The following KNTC1 variants were observed in gnomAD, a reference collection of about 807,000 sequenced individuals.
The protein encoded by KNTC1 is kinetochore associated 1, also known as kinetochore-associated protein 1.
KNTC1 carries 253 observed loss-of-function variants against 314.4 expected under a neutral mutation model. The ratio of observed to expected loss-of-function variants is 0.80; its 90% CI spans 0.73 to 0.89. KNTC1 has a LOEUF of 0.89. KNTC1 is among the 40% of genes least tolerant of loss of function. The pLI, the probability that KNTC1 is intolerant of heterozygous loss-of-function variation, is 0.00. For missense variants in KNTC1, 2,475 were observed against 2,572.9 expected (o/e 0.96, Z 0.82); for synonymous variants, 901 against 901.4 (o/e 1.00, Z 0.01).
intron 20 of KNTC1, among the ~76,000 whole-genome samples, chr12:122,562,987 C>T (rs1964080913): frequency 6.7e-6 from 1 of 149,436 alleles, no homozygotes; most frequent in South Asian, 2.1e-4. Context: ...CCAGCCTGGG[C>T]GACAGAGCAA....
Position 122,534,839 on chromosome 12 carries a change from T to A in KNTC1, c.250+55T>A, listed in dbSNP as rs1279464048. On this transcript the variant is annotated intron_variant, in intron 3 of 63. Coordinates refer to ENST00000333479, the MANE Select transcript of KNTC1 (RefSeq NM_014708.6). ...TAAATTGGAAGTCAAATACATCTGCTGCCAATTTCTGCTGGATTGCCTCCT... is the reference window on the plus strand; with the variant it reads ...TAAATTGGAAGTCAAATACATCTGCAGCCAATTTCTGCTGGATTGCCTCCT... 2.0e-6 allele frequency: 3 copies of A among 1,529,496 alleles called. No homozygotes were observed. In the African/African-American group the frequency reaches 4.1e-5, roughly 21 times the overall value. 94.7% of individuals were successfully genotyped at this position (1,529,496 alleles called of 1,614,324 possible). A position where few individuals can be genotyped will look rare whatever the true frequency, so the allele number is the denominator to read the frequency against.
intron 20 of KNTC1, among the ~76,000 whole-genome samples, chr12:122,565,629 G>A (rs1328333896): frequency 6.6e-6 from 1 of 151,954 alleles, no homozygotes; most frequent in East Asian, 1.9e-4. Context: ...GTTTATACCT[G>A]TAATCCAAGC....
intron 42 of KNTC1, 55 bp from the exon 43 acceptor site, chr12:122,594,221 G>T: frequency 2.0e-6 from 2 of 979,950 alleles, no homozygotes; most frequent in South Asian, 1.3e-5. Context: ...CCCTTACTCT[G>T]ATACATTTCA....
At position 122,575,908 on chromosome 12, in the gene KNTC1, A is replaced by G. The variant is rs1346363074; in HGVS notation, c.2586+9A>G. ...TAAACAAGGAAATAATGGTAAGTAC[A>G]CTCTTCGAAGAGTCTTTTTTCTCTT... On this transcript the variant is annotated intron_variant, in intron 29 of 63. Coordinates refer to ENST00000333479, the MANE Select transcript of KNTC1 (RefSeq NM_014708.6). The G allele has an allele frequency of 1.3e-6, 2 of 1,596,604 alleles. No individual in the cohort carries two copies. Among genetic ancestry groups the G allele is most frequent in the Non-Finnish European group, 1.7e-6 (2 of 1,175,122 alleles).
At chr12:122,578,070 C>T (rs913788424) in intron 31 of KNTC1, among the ~76,000 whole-genome samples, 3 of 151,982 alleles carry the variant, frequency 2.0e-5, no homozygotes, top group Non-Finnish European at 4.4e-5. Flanking sequence ...TAAAGCGTTG[C>T]AATATAAACA....
At chr12:122,548,296 AC>A (rs1325396926) in intron 12 of KNTC1, among the ~76,000 whole-genome samples, 1 of 150,942 alleles carries the variant, frequency 6.6e-6, no homozygotes, top group African/African-American at 2.4e-5. Context: ...GCAACCCCCC[AC>A]CCCCTGGGTT....
chr12:122,566,841 A>G (rs1027916247), intron 20 of KNTC1, among the ~76,000 whole-genome samples: 4 of 132,684 alleles, frequency 3.0e-5, no homozygotes, highest in Non-Finnish European at 6.1e-5. Context: ...AGCTCACTGC[A>G]GCTTCAGCCT....
chr12:122,550,166 G>GTTACATATTTATGTAACTAAT (rs1397437291), intron 13 of KNTC1, among the ~76,000 whole-genome samples: 1 of 64,714 alleles, frequency 1.5e-5, no homozygotes, highest in Non-Finnish European at 2.8e-5. Context: ...GACTATTGCT[G>GTTACATATTTATGTAACTAAT]TTACATATTT....
Position 122,591,403 on chromosome 12 carries a change from C to T in KNTC1, c.4195C>T (p.Arg1399Cys), listed in dbSNP as rs566613986. Reference sequence around the variant, plus strand: ...GGAAATAGAAATGGGGCTTAAGTTCCGTGAACTCAGTACTGATGCCCAGTG... The same window carrying T: ...GGAAATAGAAATGGGGCTTAAGTTCTGTGAACTCAGTACTGATGCCCAGTG... ...YQEIEMGLKF[R>C]ELSTDAQWGI... The change falls in exon 42 of 64, where the codon CGT (arginine) becomes TGT (cysteine). Residue 1399 changes from arginine to cysteine, a missense_variant. Coordinates refer to ENST00000333479, the MANE Select transcript of KNTC1 (RefSeq NM_014708.6). 87 of 1,611,766 alleles carry T rather than the reference C, an allele frequency of 5.4e-5. No homozygotes were observed. The highest frequency in any genetic ancestry group is 1.2e-4 in the African/African-American group (9 of 74,814).
chr12:122,549,655 C>T (rs1963051937), intron 12 of KNTC1, 111 bp from the exon 13 acceptor site: 2 of 651,628 alleles, frequency 3.1e-6, no homozygotes, highest in African/African-American at 1.8e-5. Context: ...CATGAGCCAC[C>T]ACGCCCAGCC....
At chr12:122,597,588 A>G (rs973846682) in intron 43 of KNTC1, 143 bp from the exon 44 acceptor site, 1 of 689,266 alleles carries the variant, frequency 1.5e-6, no homozygotes, top group Non-Finnish European at 2.5e-6. Context: ...CTTTGATGAC[A>G]GGTAGTTTGT....
At chr12:122,594,879 T>A (rs1365553604) in intron 43 of KNTC1, among the ~76,000 whole-genome samples, 1 of 152,236 alleles carries the variant, frequency 6.6e-6, no homozygotes, top group Non-Finnish European at 1.5e-5. Context: ...TTTTTATTTT[T>A]ATTTAACTTC....
Position 122,530,005 on chromosome 12 carries a change from A to C in KNTC1, c.-59A>C, listed in dbSNP as rs1298626005. The C allele has an allele frequency of 3.2e-6, 5 of 1,573,772 alleles. No homozygotes were observed. The highest frequency in any genetic ancestry group is 4.3e-6 in the Non-Finnish European group (5 of 1,156,680). ...TATGCAACAAGATAATATGGTGTCT[A>C]ATTTTATGTTGTTCAGGAAAGACAG... is the stretch of plus-strand genomic sequence containing the variant. On this transcript the variant is annotated 5_prime_UTR_variant, in exon 2 of 64. Coordinates refer to ENST00000333479, the MANE Select transcript of KNTC1 (RefSeq NM_014708.6).
intron 5 of KNTC1, among the ~76,000 whole-genome samples, chr12:122,541,526 T>G (rs773769550): frequency 1.3e-5 from 2 of 151,548 alleles, no homozygotes; most frequent in African/African-American, 2.4e-5. Flanking sequence ...TTTATATTTT[T>G]AGTAGAGACG....
At chr12:122,528,159 T>C (rs1443003508) in intron 1 of KNTC1, among the ~76,000 whole-genome samples, 1 of 152,284 alleles carries the variant, frequency 6.6e-6, no homozygotes, top group Non-Finnish European at 1.5e-5. Flanking sequence ...AATAAGTAAA[T>C]ATGGCAGTTA....
chr12:122,570,885 G>A lies in KNTC1; in HGVS notation c.1870G>A (p.Ala624Thr). The A allele has an allele frequency of 6.5e-7, 1 of 1,543,504 alleles. No homozygotes were observed. The highest frequency in any genetic ancestry group is 8.8e-7 in the Non-Finnish European group (1 of 1,138,068). Residue 624 changes from alanine (A) to threonine (T), a missense_variant, in exon 23 of 64, where the codon GCA (alanine) becomes ACA (threonine). Coordinates refer to ENST00000333479, the MANE Select transcript of KNTC1 (RefSeq NM_014708.6). The part of the protein sequence containing the change: ...RTVPEGQIIL[A>T]KWLEQAARNL... ...AAATAATCTATTTCAGATAATTCTT[G>A]CAAAATGGTTGGAACAAGCAGCCAG...
chr12:122,582,466 G>A (rs1005293944), intron 33 of KNTC1, among the ~76,000 whole-genome samples: 1 of 152,066 alleles, frequency 6.6e-6, no homozygotes, highest in East Asian at 1.9e-4. Context: ...CCTTGCTGAG[G>A]TGGGGAGGGG....
At chr12:122,539,059 A>G (rs1312663679) in intron 4 of KNTC1, among the ~76,000 whole-genome samples, 1 of 152,234 alleles carries the variant, frequency 6.6e-6, no homozygotes, top group Non-Finnish European at 1.5e-5. Flanking sequence ...GAAGATGGTC[A>G]GGTTTTTATT....
chr12:122,601,541 T>G lies in KNTC1; in HGVS notation c.4569T>G (p.Asp1523Glu), dbSNP rs141319247. ...ISLSGILHKL[D>E]PYDYEMIEVV... The stretch of plus-strand genomic sequence containing the variant: ...ATATTTTTGTTTTTATACAGTTGGA[T>G]CCTTATGACTATGAAATGATTGAAG... Residue 1523 changes from aspartate (D) to glutamate (E), a missense_variant, in exon 45 of 64, where the codon GAT (aspartate) becomes GAG (glutamate). By Grantham distance (45) the Asp-to-Glu change is conservative. Coordinates refer to ENST00000333479, the MANE Select transcript of KNTC1 (RefSeq NM_014708.6). The G allele has an allele frequency of 3.6e-4, 543 of 1,528,076 alleles. 6 individuals are homozygous for G. The African/African-American group carries it at 7.0e-3, about 20-fold the overall frequency. 94.7% of individuals were successfully genotyped at this position (1,528,076 alleles called of 1,614,324 possible). A position where few individuals can be genotyped will look rare whatever the true frequency, so the allele number is the denominator to read the frequency against.
Sources: allele counts gnomAD v4.1 joint callset (sites outside exome capture counted in the v4.1 genomes callset), GRCh38; gene constraint gnomAD v4.1.1; transcripts MANE v1.5; gene names NCBI Gene and HGNC (gene_info 2026-07-23, HGNC 2026-07-21).